Variants in C6orf163 observed in about 807,000 individuals in gnomAD.
C6orf163 encodes uncharacterized protein C6orf163.
A neutral mutation model predicts 28.4 loss-of-function variants in C6orf163; 22 were observed. The ratio of observed to expected loss-of-function variants is 0.78; its 90% CI spans 0.55 to 1.11. C6orf163 has a LOEUF of 1.11. C6orf163 is among the 50% of genes least tolerant of loss of function. C6orf163 has a pLI of 0.00. For synonymous variants in C6orf163, 110 were observed against 123.6 expected, an observed-to-expected ratio of 0.89 and a Z score of 0.73; for missense variants, 342 against 389.1, an observed-to-expected ratio of 0.88 and a Z score of 1.02.
At chr6:87,353,332 A>G (rs111522041) in intron 3 of C6orf163, among the ~76,000 whole-genome samples, 2 of 152,094 alleles carry the variant, frequency 1.3e-5, no homozygotes, top group African/African-American at 4.8e-5. Flanking sequence ...TGTTTGTAAC[A>G]CAAAGAAAGG....
chr6:87,351,905 C>A (rs771445146), intron 3 of C6orf163, among the ~76,000 whole-genome samples: 47 of 152,286 alleles, frequency 3.1e-4, no homozygotes, highest in Admixed American at 5.9e-4. Context: ...CTGGTTGATA[C>A]ACATTTTGAA....
chr6:87,364,282 C>CAA (rs11415279), intron 4 of C6orf163, among the ~76,000 whole-genome samples: 18 of 151,016 alleles, frequency 1.2e-4, no homozygotes, highest in South Asian at 2.1e-4. Flanking sequence ...GACACTGTCT[C>CAA]AAAAAAAAAG....
chr6:87,354,066 C>T (rs1009813618), intron 3 of C6orf163, among the ~76,000 whole-genome samples: 9 of 152,076 alleles, frequency 5.9e-5, no homozygotes, highest in African/African-American at 2.2e-4. Context: ...GGCCTGGCAG[C>T]CAGGCTGGTC....
chr6:87,355,953 T>C (rs1019375739), intron 3 of C6orf163, among the ~76,000 whole-genome samples: 4 of 152,210 alleles, frequency 2.6e-5, no homozygotes, highest in African/African-American at 9.6e-5. Flanking sequence ...TAAAGCAGAA[T>C]TGCATTATGT....
At chr6:87,346,118 A>G (rs1491002182) in intron 1 of C6orf163, among the ~76,000 whole-genome samples, 6 of 152,048 alleles carry the variant, frequency 3.9e-5, no homozygotes, top group African/African-American at 1.5e-4. Context: ...TCCCCGTAAG[A>G]GTTTTCAGTC....
intron 1 of C6orf163, chr6:87,348,591 A>C: frequency 7.6e-7 from 1 of 1,312,594 alleles, no homozygotes. Context: ...GGGTGTGATG[A>C]GGGGAATGAC....
chr6:87,346,791 C>T (rs964105361), intron 1 of C6orf163, among the ~76,000 whole-genome samples: 7 of 150,946 alleles, frequency 4.6e-5, no homozygotes, highest in Admixed American at 4.6e-4. Flanking sequence ...CAGGACTAAG[C>T]ATGTGTATTT....
chr6:87,356,455 G>C lies in C6orf163; in HGVS notation c.506G>C (p.Arg169Thr), dbSNP rs1202329303. The C allele has an allele frequency of 1.3e-6, 2 of 1,551,634 alleles. No individual in the cohort carries two copies. ...REKVEAVEKARAEERHIAQEA... is the reference protein window; with the variant it reads ...REKVEAVEKATAEERHIAQEA... ...AAGGTCGAAGCTGTGGAGAAAGCCAGGGCTGAAGAAAGACACATCGCCCAG... is the reference window on the plus strand; with the variant it reads ...AAGGTCGAAGCTGTGGAGAAAGCCACGGCTGAAGAAAGACACATCGCCCAG... Residue 169 changes from arginine to threonine, a missense_variant, in exon 4 of 5, where the codon AGG becomes ACG. Physicochemically the swap from Arg to Thr is moderately conservative, Grantham distance 71. Transcript: ENST00000388923.
At chr6:87,352,921 G>C (rs1340080246) in intron 3 of C6orf163, among the ~76,000 whole-genome samples, 1 of 152,106 alleles carries the variant, frequency 6.6e-6, no homozygotes, top group Non-Finnish European at 1.5e-5. Context: ...TAACATGATG[G>C]AGTCCATGAA....
At position 87,356,691 on chromosome 6, in the gene C6orf163, AATAAC is replaced by A; in HGVS notation, c.554+193_554+197del. The A allele has an allele frequency of 3.5e-6, 2 of 573,334 alleles. 1 individual carries two copies. Among genetic ancestry groups the A allele is most frequent in the South Asian group, 5.2e-5 (2 of 38,570 alleles). 35.5% of individuals were successfully genotyped at this position (573,334 alleles called of 1,614,324 possible). A position where few individuals can be genotyped will look rare whatever the true frequency, so the allele number is the denominator to read the frequency against. On this transcript the variant is annotated intron_variant, in intron 4 of 4. Coordinates refer to ENST00000388923, the MANE Select transcript of C6orf163 (RefSeq NM_001010868.3). ...GTATGTGTGTGGTTTAAAGAAAAATAATAACATAAATACTCAAAAACCTACCACCC... is the reference window on the plus strand; with the variant it reads ...GTATGTGTGTGGTTTAAAGAAAAATAATAAATACTCAAAAACCTACCACCC...
intron 4 of C6orf163, chr6:87,357,954 G>A (rs1407239750): frequency 6.6e-6 from 1 of 152,174 alleles, no homozygotes; most frequent in African/African-American, 2.4e-5. Flanking sequence ...TGTTTCCCAA[G>A]TGCCTGGAAG....
In C6orf163 at chr6:87,365,246, G is replaced by T. The variant is rs918215443; in HGVS notation, c.840G>T (p.Glu280Asp). ...IMTNWKDFLE[E>D]ELQETRMAFQ... ...CAAATTGGAAAGATTTCCTAGAGGA[G>T]GAATTACAGGAAACCAGGATGGCAT... The change falls in exon 5 of 5, where the codon GAG (glutamate) becomes GAT (aspartate). Residue 280 changes from glutamate (E) to aspartate (D), a missense_variant. Glu to Asp is a conservative substitution (Grantham distance 45). Coordinates refer to ENST00000388923, the MANE Select transcript of C6orf163 (RefSeq NM_001010868.3). 6 of 1,551,518 alleles carry T rather than the reference G, an allele frequency of 3.9e-6. No individual in the cohort carries two copies. In the African/African-American group the frequency reaches 8.2e-5, roughly 21 times the overall value.
rs965614878 is a variant in C6orf163, at chr6:87,357,184, A to T, written c.554+681A>T. On this transcript the variant is annotated intron_variant, in intron 4 of 4. Transcript: ENST00000388923. ...CATAATCACAGATCAGATCATACAT[A>T]TATATATTTTAAGAAAACCACGGTA... The T allele has an allele frequency of 5.3e-5, 8 of 152,340 alleles. No homozygotes were observed. In the East Asian group the frequency reaches 1.5e-3, roughly 29 times the overall value. The allele number at this position is 152,340 out of a possible 1,614,324, so 9.4% of individuals were successfully genotyped here. A position where few individuals can be genotyped will look rare whatever the true frequency, so the allele number is the denominator to read the frequency against.
chr6:87,358,056 C>T (rs1192466094), intron 4 of C6orf163: 1 of 152,086 alleles, frequency 6.6e-6, no homozygotes, highest in Non-Finnish European at 1.5e-5. Context: ...TTCAGCACAC[C>T]AGATCTTATT....
intron 4 of C6orf163, chr6:87,357,160 A>G (rs998981637): frequency 3.3e-5 from 5 of 152,340 alleles, no homozygotes; most frequent in Non-Finnish European, 5.9e-5. Context: ...ATGTATGTGC[A>G]TAATCACAGA....
intron 3 of C6orf163, 44 bp from the exon 4 acceptor site, chr6:87,356,257 C>T: frequency 2.7e-6 from 4 of 1,500,096 alleles, no homozygotes; most frequent in Middle Eastern, 1.8e-4. Context: ...CAGTTTTAAA[C>T]ATTAAGTCTG....
intron 4 of C6orf163, among the ~76,000 whole-genome samples, chr6:87,362,602 T>C (rs1777597247): frequency 1.3e-5 from 2 of 152,210 alleles, no homozygotes; most frequent in East Asian, 1.9e-4. Flanking sequence ...ACCCCTGTTA[T>C]TAATATTGGA....
At chr6:87,353,925 C>T (rs1241988381) in intron 3 of C6orf163, among the ~76,000 whole-genome samples, 2 of 152,214 alleles carry the variant, frequency 1.3e-5, no homozygotes, top group African/African-American at 4.8e-5. Flanking sequence ...GATCTTGGCT[C>T]ATTGCAACCT....
intron 3 of C6orf163, among the ~76,000 whole-genome samples, chr6:87,354,360 C>CATTT (rs1404749952): frequency 1.3e-5 from 2 of 152,130 alleles, no homozygotes; most frequent in East Asian, 1.9e-4. Flanking sequence ...AATCTGGAGT[C>CATTT]ATTTATGACA....
Sources: allele counts gnomAD v4.1 joint callset (sites outside exome capture counted in the v4.1 genomes callset), GRCh38; gene constraint gnomAD v4.1.1; transcripts MANE v1.5; gene names NCBI Gene and HGNC (gene_info 2026-07-23, HGNC 2026-07-21).